The following MRTFB variants were observed in gnomAD, a reference collection of about 807,000 sequenced individuals.
The protein encoded by MRTFB is myocardin related transcription factor B.
In MRTFB, 29 loss-of-function variants were observed where a neutral mutation model predicts 104.2. That is an observed-to-expected ratio of 0.28 (90% CI 0.21 to 0.38). The LOEUF (loss-of-function observed/expected upper bound fraction) is 0.38. Ranked by LOEUF, MRTFB falls within the 10% of genes least tolerant of loss-of-function variation. MRTFB has a pLI of 1.00. For synonymous variants in MRTFB, 535 were observed against 519.5 expected, an observed-to-expected ratio of 1.03 and a Z score of -0.41; for missense variants, 1,270 against 1,341.6, an observed-to-expected ratio of 0.95 and a Z score of 0.83.
At chr16:14,219,995 C>T (rs113076586) in intron 8 of MRTFB, among the ~76,000 whole-genome samples, 3,718 of 152,250 alleles carry the variant, frequency 0.024, 164 homozygotes, top group African/African-American at 0.084. Flanking sequence ...GTTGTGGAAG[C>T]TTGTTTCTCT....
chr16:14,231,436 TC>T lies in MRTFB; in HGVS notation c.694-2709del, dbSNP rs531249502. Among the ~76,000 whole-genome samples the T allele has an allele frequency of 8.6e-5, 13 of 150,628 alleles. No individual in the cohort carries two copies. In the South Asian group the frequency reaches 2.7e-3, roughly 31 times the overall value. On this transcript the variant is annotated intron_variant, in intron 8 of 16. Transcript: ENST00000571589. ...AGGTACTTGTGCAGGTGTGTTATATTCGTAAATTGTGTGTCACAGGGATTTG... is the reference window on the plus strand; with the variant it reads ...AGGTACTTGTGCAGGTGTGTTATATTGTAAATTGTGTGTCACAGGGATTTG...
At position 14,234,189 on chromosome 16, in the gene MRTFB, C is replaced by G; in HGVS notation, c.737C>G (p.Pro246Arg). 1.9e-6 allele frequency: 3 copies of G among 1,614,102 alleles called. No individual in the cohort carries two copies. The highest frequency in any genetic ancestry group is 2.5e-6 in the Non-Finnish European group (3 of 1,180,010). ...ACAGTTCCTGAATTCTTGAAAACTCCTCCAACTGCAGATCAGCCTCCCCCA... is the reference window on the plus strand; with the variant it reads ...ACAGTTCCTGAATTCTTGAAAACTCGTCCAACTGCAGATCAGCCTCCCCCA... ...SPTVPEFLKTPPTADQPPPRP... is the reference protein window; with the variant it reads ...SPTVPEFLKTRPTADQPPPRP... Residue 246 changes from proline (P) to arginine (R), a missense_variant, in exon 9 of 17, where the codon CCT becomes CGT. Around this residue, in one of 3 missense-constraint regions of MRTFB, gnomAD observed 1,144 missense variants for 1,131.5 expected, o/e 1.01. Coordinates refer to ENST00000571589, the MANE Select transcript of MRTFB (RefSeq NM_001308142.2).
At chr16:14,045,646 A>G in the MRTFB span, among the ~76,000 whole-genome samples, 2 of 152,244 alleles carry the variant, frequency 1.3e-5, no homozygotes, top group African/African-American at 2.4e-5. Context: ...TTGGATTCAC[A>G]TTCTACCTTC....
At chr16:14,195,748 T>C (rs909516937) in intron 3 of MRTFB, 19 of 180,200 alleles carry the variant, frequency 1.1e-4, no homozygotes, top group African/African-American at 4.3e-4. Flanking sequence ...CTTTAGCTTG[T>C]AGCACTAGCT....
At position 14,200,280 on chromosome 16, in the gene MRTFB, G is replaced by C. The variant is rs1247675989; in HGVS notation, c.155-9963G>C. 6 of 1,559,734 alleles carry C rather than the reference G, an allele frequency of 3.8e-6. No homozygotes were observed. In the East Asian group the frequency reaches 1.4e-4, roughly 35 times the overall value. ...AGATACAGCCTTTAAGAAAGAGCTA[G>C]ATTCTGAGTTCCGACCCGGACCCGT... On this transcript the variant is annotated intron_variant, in intron 3 of 16. Transcript: ENST00000571589.
chr16:14,212,393 G>A lies in MRTFB; in HGVS notation c.260G>A (p.Ser87Asn), dbSNP rs1199823980. ...GCGGCATTCCATGAACAGATAAAAA[G>A]CTTGGAACGAGCCAGAGTAAGACAT... ...SPAAFHEQIK[S>N]LERARTENFL... Residue 87 changes from serine to asparagine, a missense_variant, in exon 5 of 17, where the codon AGC becomes AAC. By Grantham distance (46) the Ser-to-Asn change is conservative. Around this residue, in one of 3 missense-constraint regions of MRTFB, gnomAD observed 64 missense variants for 152.9 expected, o/e 0.42. Transcript: ENST00000571589. The A allele has an allele frequency of 6.2e-7, 1 of 1,613,840 alleles. No homozygotes were observed. The highest frequency in any genetic ancestry group is 8.5e-7 in the Non-Finnish European group (1 of 1,179,840).
rs2041229466 is a variant in MRTFB, at chr16:14,212,364, C to T, written c.231C>T (p.Ser77=). ...TTTCTTTTCTCACAGCTTTGAAGAGCCCAGCGGCATTCCATGAACAGATAA... is the reference window on the plus strand; with the variant it reads ...TTTCTTTTCTCACAGCTTTGAAGAGTCCAGCGGCATTCCATGAACAGATAA... ...VDQGIMPPLK[S]PAAFHEQIKS... is the part of the protein sequence containing the mutation. The change falls in exon 5 of 17, where the codon AGC becomes AGT. Residue 77 remains serine (S), a synonymous_variant. Coordinates refer to ENST00000571589, the MANE Select transcript of MRTFB (RefSeq NM_001308142.2). 1 of 1,613,874 alleles carries T rather than the reference C, an allele frequency of 6.2e-7. No homozygotes were observed. Among genetic ancestry groups the T allele is most frequent in the Admixed American group, 1.7e-5 (1 of 60,010 alleles).
intron 3 of MRTFB, among the ~76,000 whole-genome samples, chr16:14,149,871 T>G (rs2038525708): frequency 6.6e-6 from 1 of 152,126 alleles, no homozygotes; most frequent in South Asian, 2.1e-4. Context: ...GGCTGTAGAG[T>G]TAAGCCTGGC....
At chr16:14,188,189 C>T (rs764935572) in intron 3 of MRTFB, among the ~76,000 whole-genome samples, 2 of 152,134 alleles carry the variant, frequency 1.3e-5, no homozygotes, top group Non-Finnish European at 2.9e-5. Flanking sequence ...TGCTTGTGCA[C>T]GGCATGTCTT....
intron 3 of MRTFB, among the ~76,000 whole-genome samples, chr16:14,203,140 C>G (rs1195121811): frequency 6.6e-6 from 1 of 151,916 alleles, no homozygotes; most frequent in Admixed American, 6.6e-5. Flanking sequence ...CTTGACTGCT[C>G]AGGCTTTTTT....
chr16:14,244,341 C>G (rs2042922506), intron 10 of MRTFB, among the ~76,000 whole-genome samples: 1 of 152,116 alleles, frequency 6.6e-6, no homozygotes. Context: ...GGAATAACCC[C>G]ACAGTAAATA....
intron 2 of MRTFB, among the ~76,000 whole-genome samples, chr16:14,128,011 T>A (rs1167595785): frequency 6.8e-6 from 1 of 148,116 alleles, no homozygotes; most frequent in Non-Finnish European, 1.5e-5. Flanking sequence ...CCATTCTGTC[T>A]GCATGCAGTA....
intron 9 of MRTFB, 142 bp from the exon 10 acceptor site, chr16:14,240,095 A>C (rs527569306): frequency 1.1e-5 from 11 of 1,021,526 alleles, no homozygotes; most frequent in Non-Finnish European, 1.4e-5. Flanking sequence ...TTTGAAACGA[A>C]TTTAGCATAT....
At chr16:14,116,423 T>G (rs1449756558) in intron 2 of MRTFB, among the ~76,000 whole-genome samples, 2 of 152,212 alleles carry the variant, frequency 1.3e-5, no homozygotes, top group Non-Finnish European at 2.9e-5. Flanking sequence ...ATGTTACTAA[T>G]TCTCTGGAGC....
At chr16:14,181,878 A>G (rs976119976) in intron 3 of MRTFB, among the ~76,000 whole-genome samples, 2 of 152,136 alleles carry the variant, frequency 1.3e-5, no homozygotes, top group African/African-American at 4.8e-5. Flanking sequence ...TTTTTCTCAC[A>G]CTTATTAAAT....
intron 3 of MRTFB, among the ~76,000 whole-genome samples, chr16:14,175,766 G>T (rs1597155747): frequency 6.6e-6 from 1 of 152,130 alleles, no homozygotes; most frequent in Non-Finnish European, 1.5e-5. Flanking sequence ...CCATACAGCG[G>T]ATTACTCAGT....
At chr16:14,119,645 T>G (rs2036738099) in intron 2 of MRTFB, among the ~76,000 whole-genome samples, 1 of 152,150 alleles carries the variant, frequency 6.6e-6, no homozygotes, top group Admixed American at 6.5e-5. Context: ...AGGGAACCTT[T>G]TTTTGTTGGA....
intron 13 of MRTFB, 66 bp downstream of exon 13, chr16:14,249,147 C>A: frequency 6.4e-7 from 1 of 1,555,032 alleles, no homozygotes; most frequent in East Asian, 2.3e-5. Flanking sequence ...ATCCATTCAA[C>A]AAGCATCTTT....
chr16:14,000,318 T>C, the MRTFB span, among the ~76,000 whole-genome samples: 1 of 152,198 alleles, frequency 6.6e-6, no homozygotes, highest in African/African-American at 2.4e-5. Flanking sequence ...GTCATTGATT[T>C]ACATCTATCT....
Sources: allele counts gnomAD v4.1 joint callset (sites outside exome capture counted in the v4.1 genomes callset), GRCh38; gene constraint gnomAD v4.1.1; regional missense constraint gnomAD v4.1.1; transcripts MANE v1.5; gene names NCBI Gene and HGNC (gene_info 2026-07-23, HGNC 2026-07-21).